The following LINGO2 variants were observed in gnomAD, a reference collection of about 807,000 sequenced individuals.
LINGO2 encodes the protein leucine rich repeat and Ig domain containing 2, also known as leucine-rich repeat and immunoglobulin-like domain-containing nogo receptor-interacting protein 2.
LINGO2 carries 14 observed loss-of-function variants against 30.6 expected under a neutral mutation model. The observed-to-expected ratio is 0.46, with a 90% CI of 0.30 to 0.72. The LOEUF is 0.72. Ranked by LOEUF, LINGO2 falls within the 30% of genes least tolerant of loss-of-function variation. The pLI is 0.07. For missense variants in LINGO2, 729 were observed against 751.7 expected, an observed-to-expected ratio of 0.97 and a Z score of 0.35; for synonymous variants, 317 against 288.5, an observed-to-expected ratio of 1.10 and a Z score of -1.00.
rs186716083 is a variant in LINGO2 at position 27,975,397 on chromosome 9, G to T, written c.-35-24691C>A. ...TGGCTTTCCAAAGGGTGGGGTAAAT[G>T]GGGGGGCTGGGGTTGAGGAAGTCCT... is the stretch of plus-strand genomic sequence containing the variant. On this transcript the variant is annotated intron_variant, in intron 5 of 5. Coordinates refer to ENST00000379992, the Ensembl canonical transcript of LINGO2. 1.9e-3 allele frequency among the ~76,000 whole-genome samples: 294 copies of T among 152,020 alleles called. 3 individuals carry two copies. Among genetic ancestry groups the T allele is most frequent in the African/African-American group, 6.7e-3 (278 of 41,520 alleles).
At chr9:29,043,909 G>T in the LINGO2 span, among the ~76,000 whole-genome samples, 1 of 151,972 alleles carries the variant, frequency 6.6e-6, no homozygotes, top group Admixed American at 6.6e-5. Flanking sequence ...AATAATGCAA[G>T]AAACCTGAGT....
intron 1 of LINGO2, among the ~76,000 whole-genome samples, chr9:28,504,590 A>G (rs888553599): frequency 2.6e-5 from 4 of 151,538 alleles, no homozygotes; most frequent in Non-Finnish European, 5.9e-5. Context: ...TAACTGCTAG[A>G]TTTTTTTTCA....
At chr9:28,276,966 C>T (rs1274102047) in intron 4 of LINGO2, among the ~76,000 whole-genome samples, 1 of 152,134 alleles carries the variant, frequency 6.6e-6, no homozygotes, top group Non-Finnish European at 1.5e-5. Context: ...CAAATTCAAG[C>T]TGCTCATCCC....
rs1443572222 is a variant in LINGO2 at position 28,454,874 on chromosome 9, T to C, written c.-279+21066A>G. ...TTAATATAGATGAAAGAGCTTTAGA[T>C]AAATGAGTTAACAAAAAAATACTAC... On this transcript the variant is annotated intron_variant, in intron 2 of 5. Transcript: ENST00000379992. Among the ~76,000 whole-genome samples the C allele has an allele frequency of 2.6e-5, 4 of 152,052 alleles. No individual in the cohort carries two copies. In the East Asian group the frequency reaches 5.8e-4, roughly 22 times the overall value.
At chr9:28,800,640 GGGA>G in the LINGO2 span, among the ~76,000 whole-genome samples, 1 of 152,026 alleles carries the variant, frequency 6.6e-6, no homozygotes, top group Non-Finnish European at 1.5e-5. Flanking sequence ...GCTGTAATTT[GGGA>G]GGAGAAGTTA....
At chr9:28,246,234 A>C (rs138719101) in intron 4 of LINGO2, among the ~76,000 whole-genome samples, 2 of 151,938 alleles carry the variant, frequency 1.3e-5, no homozygotes, top group Admixed American at 1.3e-4. Context: ...GACCAGCCTG[A>C]CCAACATGGT....
chr9:29,079,902 A>C, the LINGO2 span, among the ~76,000 whole-genome samples: 29,956 of 151,944 alleles, frequency 0.2, 3,086 homozygotes, highest in African/African-American at 0.24. Flanking sequence ...TTTCTATGTG[A>C]CAACCATTGT....
chr9:29,034,829 A>G, the LINGO2 span, among the ~76,000 whole-genome samples: 1 of 152,178 alleles, frequency 6.6e-6, no homozygotes, highest in African/African-American at 2.4e-5. Flanking sequence ...TGCCTTCAGC[A>G]CTATCGATTT....
chr9:28,979,576 C>A, the LINGO2 span, among the ~76,000 whole-genome samples: 1 of 151,954 alleles, frequency 6.6e-6, no homozygotes, highest in Non-Finnish European at 1.5e-5. Flanking sequence ...CCAAATGGGA[C>A]CTTTGGCTAT....
chr9:28,903,259 T>C, the LINGO2 span, among the ~76,000 whole-genome samples: 4 of 151,916 alleles, frequency 2.6e-5, no homozygotes, highest in Non-Finnish European at 4.4e-5. Context: ...AGCCAACAAA[T>C]TGGACAACCT....
At chr9:29,050,592 G>T in the LINGO2 span, among the ~76,000 whole-genome samples, 1 of 152,164 alleles carries the variant, frequency 6.6e-6, no homozygotes, top group Admixed American at 6.5e-5. Context: ...ATCTGTATGT[G>T]AGCAATTGTG....
the LINGO2 span, among the ~76,000 whole-genome samples, chr9:28,958,848 G>A: frequency 0.64 from 96,905 of 151,796 alleles, 31,880 homozygotes; most frequent in Non-Finnish European, 0.72. Flanking sequence ...AGGAGCCTCA[G>A]TCAAAGATGA....
At chr9:28,994,848 C>T in the LINGO2 span, among the ~76,000 whole-genome samples, 18,440 of 152,058 alleles carry the variant, frequency 0.12, 1,110 homozygotes, top group South Asian at 0.16. Context: ...CCCTTCCTTA[C>T]ACCTTATACA....
chr9:28,690,499 C>T, the LINGO2 span, among the ~76,000 whole-genome samples: 2 of 152,142 alleles, frequency 1.3e-5, no homozygotes, highest in Non-Finnish European at 2.9e-5. Context: ...TTCCATTTCT[C>T]TGGGTAAGGC....
chr9:28,047,150 C>G (rs959013079), intron 4 of LINGO2, among the ~76,000 whole-genome samples: 5 of 152,122 alleles, frequency 3.3e-5, no homozygotes, highest in Non-Finnish European at 5.9e-5. Context: ...GAAGGCTAGA[C>G]AGGTAGGTAT....
At chr9:28,619,046 T>G (rs144054792) in intron 1 of LINGO2, among the ~76,000 whole-genome samples, 1 of 152,146 alleles carries the variant, frequency 6.6e-6, no homozygotes, top group Non-Finnish European at 1.5e-5. Context: ...GGGACTACAA[T>G]AAGGTCTTAC....
chr9:29,043,705 C>T, the LINGO2 span, among the ~76,000 whole-genome samples: 1 of 151,916 alleles, frequency 6.6e-6, no homozygotes, highest in Non-Finnish European at 1.5e-5. Flanking sequence ...ACAAATAATA[C>T]TATTTTATAT....
At chr9:28,337,480 C>T (rs1825628819) in intron 3 of LINGO2, among the ~76,000 whole-genome samples, 1 of 152,142 alleles carries the variant, frequency 6.6e-6, no homozygotes, top group Admixed American at 6.5e-5. Context: ...GTATAAGTAA[C>T]ACGGAGCCAA....
intron 5 of LINGO2, among the ~76,000 whole-genome samples, chr9:27,968,055 A>G (rs1820183753): frequency 6.6e-6 from 1 of 152,132 alleles, no homozygotes. Flanking sequence ...AGAGTAGAAA[A>G]CTATCAAAGT....
Sources: allele counts gnomAD v4.1 joint callset (sites outside exome capture counted in the v4.1 genomes callset), GRCh38; gene constraint gnomAD v4.1.1; transcripts MANE v1.5; gene names NCBI Gene and HGNC (gene_info 2026-07-23, HGNC 2026-07-21).